PSME3IP1: variants seen among roughly 807,000 people sequenced by gnomAD.
PSME3IP1 encodes PSME3-interacting protein.
A neutral mutation model predicts 34.1 loss-of-function variants in PSME3IP1; 13 were observed. That is an observed-to-expected ratio of 0.38 (90% confidence interval 0.25 to 0.61). PSME3IP1 has a LOEUF of 0.61. PSME3IP1 is among the 20% of genes least tolerant of loss of function. The pLI, the probability that PSME3IP1 is intolerant of heterozygous loss-of-function variation, is 0.60. For synonymous variants in PSME3IP1, 93 were observed against 114.3 expected, an observed-to-expected ratio of 0.81 and a Z score of 1.19; for missense variants, 237 against 301.4, an observed-to-expected ratio of 0.79 and a Z score of 1.58.
chr16:57,183,710 A>G (rs150031082), intron 1 of PSME3IP1, among the ~76,000 whole-genome samples: 2 of 152,236 alleles, frequency 1.3e-5, no homozygotes, highest in Non-Finnish European at 2.9e-5. Flanking sequence ...GAAAACCAGA[A>G]ATTAAGCCCA....
At chr16:57,177,646 T>C (rs1411109304) in intron 1 of PSME3IP1, among the ~76,000 whole-genome samples, 1 of 152,152 alleles carries the variant, frequency 6.6e-6, no homozygotes, top group Non-Finnish European at 1.5e-5. Flanking sequence ...TCTCAGTGGG[T>C]TGGTGTCCTG....
chr16:57,176,597 T>C (rs2073195633), intron 1 of PSME3IP1, among the ~76,000 whole-genome samples: 1 of 152,224 alleles, frequency 6.6e-6, no homozygotes, highest in Non-Finnish European at 1.5e-5. Context: ...ACTGGGACTA[T>C]ACAAAAAGAA....
intron 4 of PSME3IP1, among the ~76,000 whole-genome samples, chr16:57,169,112 G>T (rs568426646): frequency 3.3e-5 from 5 of 151,934 alleles, no homozygotes; most frequent in Non-Finnish European, 7.4e-5. Context: ...TTTTTGATCC[G>T]CAAAGTACAA....
chr16:57,177,925 G>T (rs2073346261), intron 1 of PSME3IP1, among the ~76,000 whole-genome samples: 2 of 152,148 alleles, frequency 1.3e-5, no homozygotes, highest in African/African-American at 4.8e-5. Context: ...GGAGGCTAAG[G>T]CTGCAGTGAC....
intron 2 of PSME3IP1, 99 bp downstream of exon 2, chr16:57,173,629 A>C: frequency 2.1e-6 from 3 of 1,449,344 alleles, no homozygotes; most frequent in Non-Finnish European, 1.9e-6. Context: ...ACTCCGTCTC[A>C]AAAAAATAAA....
At chr16:57,182,657 C>T (rs1430853287) in intron 1 of PSME3IP1, among the ~76,000 whole-genome samples, 1 of 144,638 alleles carries the variant, frequency 6.9e-6, no homozygotes. Flanking sequence ...TGCCTGTAAC[C>T]CTAGCACTCT....
At chr16:57,184,323 C>A (rs989133784) in intron 1 of PSME3IP1, among the ~76,000 whole-genome samples, 8 of 151,412 alleles carry the variant, frequency 5.3e-5, no homozygotes, top group African/African-American at 1.9e-4. Context: ...TAATGAAAGA[C>A]ACTAATCCAC....
At chr16:57,156,083 C>T (rs1477686488) in intron 6 of PSME3IP1, among the ~76,000 whole-genome samples, 1 of 152,192 alleles carries the variant, frequency 6.6e-6, no homozygotes, top group East Asian at 1.9e-4. Flanking sequence ...TACTCCAGCC[C>T]TTCCATTCTT....
chr16:57,167,310 G>T, intron 4 of PSME3IP1, 84 bp from the exon 5 acceptor site: 1 of 1,463,164 alleles, frequency 6.8e-7, no homozygotes, highest in Non-Finnish European at 9.5e-7. Context: ...GCGATGTAAT[G>T]TCTGGCCTAC....
chr16:57,178,674 G>C, intron 1 of PSME3IP1: 1 of 985,198 alleles, frequency 1.0e-6, no homozygotes, highest in Non-Finnish European at 1.2e-6. Context: ...AATTTGTGCA[G>C]TAAGAAACAA....
In PSME3IP1 at chr16:57,154,090, G is replaced by A; in HGVS notation, c.*200C>T. 1 of 573,544 alleles carries A rather than the reference G, an allele frequency of 1.7e-6. No individual in the cohort carries two copies. Among genetic ancestry groups the A allele is most frequent in the Non-Finnish European group, 3.1e-6 (1 of 323,138 alleles). The allele number at this position is 573,544 out of a possible 1,614,324, so 35.5% of individuals were successfully genotyped here. A position where few individuals can be genotyped will look rare whatever the true frequency, so the allele number is the denominator to read the frequency against. On this transcript the variant is annotated 3_prime_UTR_variant, in exon 7 of 7. Transcript: ENST00000309137. The surrounding 1 kb of genome is among the most constrained non-coding windows in gnomAD (Gnocchi z 4.0). The stretch of plus-strand genomic sequence containing the variant: ...AGCGGGACAGGTTTGGTCATCTGCA[G>A]TGGAGTAGAAAGAGGAACCAAACAC...
rs753624144 is a variant in PSME3IP1, at chr16:57,167,245, G to T, written c.349-19C>A. On this transcript the variant is annotated intron_variant, in intron 4 of 6. Coordinates refer to ENST00000309137, the MANE Select transcript of PSME3IP1 (RefSeq NM_024946.4). ...GGTTATTGTGAGTTACCAGTTAAGG[G>T]TCAAACTAAGCAAAAGGGAAGACAA... The T allele has an allele frequency of 6.2e-7, 1 of 1,614,104 alleles. No individual in the cohort carries two copies. Among genetic ancestry groups the T allele is most frequent in the East Asian group, 2.2e-5 (1 of 44,880 alleles).
rs534665234 is a variant in PSME3IP1, at chr16:57,172,510, T to C, written c.227-138A>G. ...ACTGGTAAATACCATGGCGTTTGAA[T>C]AGATAACAGGGCATAAAAAAAAACA... On this transcript the variant is annotated intron_variant, in intron 3 of 6. Transcript: ENST00000309137. 3.7e-5 allele frequency: 35 copies of C among 938,888 alleles called. 1 individual carries two copies. The South Asian group carries it at 5.3e-4, about 14-fold the overall frequency. 58.2% of individuals were successfully genotyped at this position (938,888 alleles called of 1,614,324 possible).
chr16:57,161,734 G>C (rs903528444), intron 6 of PSME3IP1, among the ~76,000 whole-genome samples: 6 of 151,950 alleles, frequency 3.9e-5, no homozygotes, highest in Non-Finnish European at 2.9e-5. Context: ...GGATGGTCTT[G>C]ATCTCCTGAC....
At chr16:57,178,710 T>G in intron 1 of PSME3IP1, 11 of 982,270 alleles carry the variant, frequency 1.1e-5, no homozygotes, top group Non-Finnish European at 1.3e-5. Context: ...ATCTCTTTAC[T>G]ATATTATATA....
intron 1 of PSME3IP1, among the ~76,000 whole-genome samples, chr16:57,177,781 G>A (rs1269252780): frequency 5.3e-5 from 8 of 152,036 alleles, no homozygotes; most frequent in Non-Finnish European, 7.4e-5. Context: ...GGAGGCCAAG[G>A]CAGGAGGACC....
At chr16:57,169,080 G>C (rs1334228788) in intron 4 of PSME3IP1, among the ~76,000 whole-genome samples, 3 of 152,028 alleles carry the variant, frequency 2.0e-5, no homozygotes, top group African/African-American at 4.8e-5. Context: ...CCTTTTAGGG[G>C]TAGGGGGTGT....
At chr16:57,174,823 C>G (rs1435121849) in intron 1 of PSME3IP1, 1 of 334,064 alleles carries the variant, frequency 3.0e-6, no homozygotes. Flanking sequence ...GACCTTCCTC[C>G]CTGTAAACCC....
Position 57,173,816 on chromosome 16 carries a change from C to T in PSME3IP1, c.39G>A (p.Lys13=). Residue 13 remains lysine, a synonymous_variant, in exon 2 of 7, where the codon AAG becomes AAA. Coordinates refer to ENST00000309137, the MANE Select transcript of PSME3IP1 (RefSeq NM_024946.4). ...CTAGTTCTGCCTCAGACACAAACCT[C>T]TTTTTGATAATAAGGTTACCATCAT... The part of the protein sequence containing the change: ...GGDDGNLIIK[K]RFVSEAELDE... 1 of 1,614,016 alleles carries T rather than the reference C, an allele frequency of 6.2e-7. No homozygotes were observed. Among genetic ancestry groups the T allele is most frequent in the African/African-American group, 1.3e-5 (1 of 75,010 alleles).
Sources: allele counts gnomAD v4.1 joint callset (sites outside exome capture counted in the v4.1 genomes callset), GRCh38; gene constraint gnomAD v4.1.1; non-coding constraint Gnocchi (gnomAD v3.1); transcripts MANE v1.5; gene names NCBI Gene and HGNC (gene_info 2026-07-23, HGNC 2026-07-21).